The following SDK1 variants were observed in gnomAD, a reference collection of about 807,000 sequenced individuals.
SDK1 encodes sidekick cell adhesion molecule 1, also known as protein sidekick-1.
Under a neutral mutation model 245.5 loss-of-function variants are expected in SDK1, and 157 were observed. The ratio of observed to expected loss-of-function variants is 0.64; its 90% CI spans 0.56 to 0.73. SDK1 has a LOEUF of 0.73. Among genes scored for constraint, SDK1 ranks in the 30% least tolerant of loss-of-function variants. SDK1 has a pLI of 0.00. For synonymous variants in SDK1, 1,647 were observed against 1,278.5 expected (o/e 1.29, Z -6.15); for missense variants, 3,583 against 3,002.3 (o/e 1.19, Z -4.52).
At chr7:3,843,539 C>G (rs1157736913) in intron 5 of SDK1, among the ~76,000 whole-genome samples, 1 of 152,220 alleles carries the variant, frequency 6.6e-6, no homozygotes. Flanking sequence ...AGTTTTAATT[C>G]ATTTTTCAGC....
At chr7:3,755,287 G>A (rs1231372315) in intron 4 of SDK1, among the ~76,000 whole-genome samples, 1 of 152,124 alleles carries the variant, frequency 6.6e-6, no homozygotes, top group Non-Finnish European at 1.5e-5. Context: ...GAGTTGGAAA[G>A]GGTTGGGGAG....
At chr7:3,805,465 A>G (rs917642231) in intron 4 of SDK1, among the ~76,000 whole-genome samples, 4 of 152,202 alleles carry the variant, frequency 2.6e-5, no homozygotes, top group African/African-American at 7.2e-5. Context: ...CTTTCTTGCT[A>G]TATGGTATAA....
At chr7:3,701,817 C>A (rs940701185) in intron 4 of SDK1, among the ~76,000 whole-genome samples, 1 of 150,568 alleles carries the variant, frequency 6.6e-6, no homozygotes, top group Admixed American at 6.6e-5. Context: ...AGAAATAGGC[C>A]CACATAAGTA....
chr7:4,150,140 G>T lies in SDK1; in HGVS notation c.4625+677G>T, dbSNP rs188547463. Among the ~76,000 whole-genome samples the T allele has an allele frequency of 1.5e-3, 224 of 152,228 alleles. 4 individuals are homozygous for T. Among genetic ancestry groups the T allele is most frequent in the Admixed American group, 0.014 (219 of 15,304 alleles). On this transcript the variant is annotated intron_variant, in intron 30 of 44. Transcript: ENST00000404826. ...ACAAGGAAACTGCCACAGTCACACA[G>T]ATGGGCATCCCAGGGCTTAGAAGCC...
intron 26 of SDK1, 119 bp downstream of exon 26, chr7:4,127,615 A>G: frequency 1.4e-6 from 1 of 715,450 alleles, no homozygotes. Flanking sequence ...AGCGTCAGCC[A>G]GTTTGTGATT....
intron 17 of SDK1, among the ~76,000 whole-genome samples, chr7:4,037,384 T>TGA (rs1307343323): frequency 1.3e-5 from 2 of 151,750 alleles, no homozygotes; most frequent in Non-Finnish European, 2.9e-5. Context: ...TTTGGGAGGA[T>TGA]GAGGTGGGGG....
At chr7:3,357,408 G>A (rs1318475242) in intron 1 of SDK1, among the ~76,000 whole-genome samples, 2 of 126,274 alleles carry the variant, frequency 1.6e-5, no homozygotes, top group African/African-American at 6.1e-5. Flanking sequence ...GGAGTGCAAT[G>A]GTGCGATCAC....
chr7:3,972,243 C>T (rs1165105165), intron 12 of SDK1, among the ~76,000 whole-genome samples: 1 of 152,012 alleles, frequency 6.6e-6, no homozygotes, highest in South Asian at 2.1e-4. Flanking sequence ...CCACTCCCGG[C>T]TATTTTTTTG....
intron 1 of SDK1, among the ~76,000 whole-genome samples, chr7:3,526,240 GA>G (rs112433054): frequency 0.026 from 3,713 of 142,858 alleles, 122 homozygotes; most frequent in African/African-American, 0.074. Flanking sequence ...CGCAAAAAAA[GA>G]AAAAAAAAAA....
intron 4 of SDK1, among the ~76,000 whole-genome samples, chr7:3,645,569 C>G (rs951822125): frequency 5.3e-5 from 8 of 152,224 alleles, no homozygotes; most frequent in African/African-American, 1.9e-4. Context: ...CACATGTACC[C>G]TGAAACTATG....
intron 4 of SDK1, among the ~76,000 whole-genome samples, chr7:3,787,120 A>C (rs887789601): frequency 2.7e-5 from 4 of 150,646 alleles, no homozygotes; most frequent in Non-Finnish European, 4.4e-5. Flanking sequence ...AAAATTCTTT[A>C]TTCCAGAAAA....
intron 5 of SDK1, among the ~76,000 whole-genome samples, chr7:3,881,299 T>G (rs375782896): frequency 2.0e-5 from 3 of 152,012 alleles, no homozygotes; most frequent in Non-Finnish European, 4.4e-5. Flanking sequence ...TCCCCCGCCA[T>G]GTGTCCATGT....
chr7:3,737,823 A>G (rs1168332777), intron 4 of SDK1, among the ~76,000 whole-genome samples: 1 of 152,210 alleles, frequency 6.6e-6, no homozygotes, highest in African/African-American at 2.4e-5. Flanking sequence ...CCTACTGGAA[A>G]AACATAGCTT....
chr7:4,143,178 A>G (rs893428063), intron 28 of SDK1, among the ~76,000 whole-genome samples: 1 of 151,866 alleles, frequency 6.6e-6, no homozygotes, highest in Non-Finnish European at 1.5e-5. Context: ...GGCATTCAGC[A>G]CCCTGTCCTG....
intron 1 of SDK1, among the ~76,000 whole-genome samples, chr7:3,594,045 T>C (rs1323948933): frequency 6.6e-6 from 1 of 152,176 alleles, no homozygotes; most frequent in Admixed American, 6.5e-5. Flanking sequence ...ATCATCATAA[T>C]CTAATTTTAG....
chr7:3,758,851 C>T (rs542029677), intron 4 of SDK1, among the ~76,000 whole-genome samples: 1 of 152,152 alleles, frequency 6.6e-6, no homozygotes, highest in Non-Finnish European at 1.5e-5. Context: ...GTATTCCAAC[C>T]CATGTATACA....
intron 35 of SDK1, among the ~76,000 whole-genome samples, chr7:4,205,325 T>A (rs1784155871): frequency 6.6e-6 from 1 of 152,098 alleles, no homozygotes; most frequent in Admixed American, 6.5e-5. Flanking sequence ...TTCTCTAATC[T>A]CAATCAGTAA....
rs376373852 is a variant in SDK1 at position 3,674,354 on chromosome 7, C to T, written c.713+32249C>T. On this transcript the variant is annotated intron_variant, in intron 4 of 44. Transcript: ENST00000404826. ...ATCTACCCCACGTCCAAGTCCAAAGCAGGGTGGGAGAGACCTAGAGAGGGC... is the reference window on the plus strand; with the variant it reads ...ATCTACCCCACGTCCAAGTCCAAAGTAGGGTGGGAGAGACCTAGAGAGGGC... Among the ~76,000 whole-genome samples the T allele has an allele frequency of 4.6e-5, 7 of 152,062 alleles. No homozygotes were observed. The East Asian group carries it at 5.8e-4, about 13-fold the overall frequency.
At chr7:3,306,216 A>G (rs1378398830) in intron 1 of SDK1, among the ~76,000 whole-genome samples, 1 of 152,196 alleles carries the variant, frequency 6.6e-6, no homozygotes, top group Non-Finnish European at 1.5e-5. Context: ...CAAAATAAAA[A>G]TTACATAATT....
Sources: gnomAD v4.1 joint callset for allele counts (sites outside exome capture counted in the v4.1 genomes callset) on GRCh38, gnomAD v4.1.1 for gene constraint, MANE v1.5 for transcripts, NCBI Gene and HGNC (gene_info 2026-07-23, HGNC 2026-07-21) for gene names.